LY86: variants seen among roughly 807,000 people sequenced by gnomAD.
LY86 encodes the protein MD-1, RP105-associated.
LY86 carries 20 observed loss-of-function variants against 17.3 expected under a neutral mutation model. The observed-to-expected ratio is 1.15, with a 90% CI of 0.81 to 1.68. The LOEUF (loss-of-function observed/expected upper bound fraction) is 1.68, where lower values mean the gene tolerates loss of function less well. LY86 is among the 40% of genes most tolerant of loss of function. The pLI, the probability that LY86 is intolerant of heterozygous loss-of-function variation, is 0.00. For synonymous variants in LY86, 74 were observed against 70.6 expected (o/e 1.05, Z -0.24); for missense variants, 200 against 191.9 (o/e 1.04, Z -0.25).
intron 3 of LY86, among the ~76,000 whole-genome samples, chr6:6,630,097 T>C (rs1049974692): frequency 6.6e-6 from 1 of 152,234 alleles, no homozygotes; most frequent in Non-Finnish European, 1.5e-5. Flanking sequence ...AGATCTTTAT[T>C]TTTGTCTTTT....
In LY86 at chr6:6,620,228, G is replaced by T. The variant is rs528000729; in HGVS notation, c.137-4698G>T. 1.6e-4 allele frequency among the ~76,000 whole-genome samples: 24 copies of T among 152,298 alleles called. No individual in the cohort carries two copies. In the East Asian group the frequency reaches 3.7e-3, roughly 23 times the overall value. ...TATCAGTGTCAATGTCCCAGTTTTG[G>T]TATTGTCCTCCATGTAAGATCTTAC... is the stretch of plus-strand genomic sequence containing the variant. On this transcript the variant is annotated intron_variant, in intron 1 of 4. Coordinates refer to ENST00000230568, the MANE Select transcript of LY86 (RefSeq NM_004271.4).
intron 1 of LY86, chr6:6,622,665 C>T (rs1374106942): frequency 6.6e-6 from 1 of 152,232 alleles, no homozygotes; most frequent in Non-Finnish European, 1.5e-5. Flanking sequence ...GCCTAGTGAT[C>T]ATTTCCATTG....
At chr6:6,613,053 T>G (rs762224237) in intron 1 of LY86, among the ~76,000 whole-genome samples, 1 of 152,096 alleles carries the variant, frequency 6.6e-6, no homozygotes, top group Non-Finnish European at 1.5e-5. Context: ...GACATAAAGC[T>G]TCTCCAAGTC....
intron 1 of LY86, among the ~76,000 whole-genome samples, chr6:6,617,832 GTTTT>G (rs869111606): frequency 6.6e-6 from 1 of 151,984 alleles, no homozygotes; most frequent in African/African-American, 2.4e-5. Flanking sequence ...GTTTTGTTTT[GTTTT>G]TTGTTTGTTT....
At chr6:6,602,625 A>C (rs976147750) in intron 1 of LY86, among the ~76,000 whole-genome samples, 2 of 152,170 alleles carry the variant, frequency 1.3e-5, no homozygotes, top group Non-Finnish European at 2.9e-5. Flanking sequence ...GAAGAAAAAG[A>C]AGCCAGCGCA....
intron 1 of LY86, among the ~76,000 whole-genome samples, chr6:6,603,632 A>AAAAAAAAAAAAAAAAAAAAAAAC: frequency 7.4e-6 from 1 of 135,870 alleles, no homozygotes; most frequent in South Asian, 2.5e-4. Context: ...AAAAAAACAA[A>AAAAAAAAAAAAAAAAAAAAAAAC]ACACACACAC....
chr6:6,614,032 T>C (rs1163980950), intron 1 of LY86, among the ~76,000 whole-genome samples: 1 of 152,220 alleles, frequency 6.6e-6, no homozygotes. Flanking sequence ...CCTAAAAGAA[T>C]AAGTTGTTAT....
chr6:6,591,126 T>TGCC (rs567193585), intron 1 of LY86: 26 of 153,848 alleles, frequency 1.7e-4, no homozygotes, highest in African/African-American at 6.0e-4. Flanking sequence ...GCATAAAGGT[T>TGCC]GCCACAGCTG....
At chr6:6,616,632 C>A (rs1005924147) in intron 1 of LY86, among the ~76,000 whole-genome samples, 2 of 152,206 alleles carry the variant, frequency 1.3e-5, no homozygotes, top group African/African-American at 2.4e-5. Context: ...TACCTCCCAG[C>A]CAGTTTGTCA....
intron 1 of LY86, among the ~76,000 whole-genome samples, chr6:6,605,874 G>A (rs187919947): frequency 1.8e-4 from 27 of 149,416 alleles, no homozygotes; most frequent in East Asian, 7.7e-4. Flanking sequence ...GGAGCTCTTC[G>A]TTTCTCGCGG....
intron 3 of LY86, among the ~76,000 whole-genome samples, chr6:6,631,369 G>C (rs889721514): frequency 6.6e-6 from 1 of 152,204 alleles, no homozygotes; most frequent in African/African-American, 2.4e-5. Flanking sequence ...CCCCTCTGCT[G>C]TATATCTTCT....
intron 1 of LY86, among the ~76,000 whole-genome samples, chr6:6,590,118 T>TTAA (rs1305444257): frequency 1.2e-5 from 1 of 80,586 alleles, no homozygotes; most frequent in African/African-American, 5.1e-5. Flanking sequence ...AACTCTGTCT[T>TTAA]AAAAAAAAAA....
At chr6:6,624,611 G>A (rs1029731632) in intron 1 of LY86, among the ~76,000 whole-genome samples, 2 of 151,996 alleles carry the variant, frequency 1.3e-5, no homozygotes, top group Non-Finnish European at 2.9e-5. Context: ...AAACGTTCAG[G>A]AACTAAAAAA....
At chr6:6,648,476 C>T (rs538628020) in intron 3 of LY86, among the ~76,000 whole-genome samples, 2 of 152,296 alleles carry the variant, frequency 1.3e-5, no homozygotes, top group African/African-American at 2.4e-5. Context: ...CTCTTTTCCA[C>T]ATCAAGGCCT....
At chr6:6,600,587 C>CAAAAAAAAAAAAAAAAAA (rs59560744) in intron 1 of LY86, among the ~76,000 whole-genome samples, 7 of 82,458 alleles carry the variant, frequency 8.5e-5, no homozygotes, top group Admixed American at 1.5e-4. Flanking sequence ...GAGACTCCAT[C>CAAAAAAAAAAAAAAAAAA]AAAAAAAAAA....
At chr6:6,619,721 C>T (rs1761631626) in intron 1 of LY86, among the ~76,000 whole-genome samples, 1 of 152,160 alleles carries the variant, frequency 6.6e-6, no homozygotes, top group South Asian at 2.1e-4. Context: ...ATGTGGGCCA[C>T]AGGGAATGAG....
At chr6:6,639,157 T>G (rs56173756) in intron 3 of LY86, among the ~76,000 whole-genome samples, 4,460 of 152,264 alleles carry the variant, frequency 0.029, 86 homozygotes, top group Non-Finnish European at 0.046. Flanking sequence ...ATCATCATTC[T>G]CAGCTCTAAA....
chr6:6,606,722 C>G (rs998460129), intron 1 of LY86, among the ~76,000 whole-genome samples: 1 of 152,206 alleles, frequency 6.6e-6, no homozygotes. Context: ...GCAGCACTTG[C>G]GGGGCCCGCT....
intron 3 of LY86, among the ~76,000 whole-genome samples, chr6:6,631,761 T>G (rs534915508): frequency 8.5e-5 from 13 of 152,334 alleles, no homozygotes; most frequent in Non-Finnish European, 1.5e-4. Context: ...TGGCAATTGC[T>G]CAACCCTTCC....
Sources: gnomAD v4.1 joint callset for allele counts (sites outside exome capture counted in the v4.1 genomes callset) on GRCh38, gnomAD v4.1.1 for gene constraint, MANE v1.5 for transcripts, NCBI Gene and HGNC (gene_info 2026-07-23, HGNC 2026-07-21) for gene names.